Variants in DCHS2 observed in about 807,000 individuals in gnomAD.
The protein encoded by DCHS2 is protocadherin-23.
A neutral mutation model predicts 182.4 loss-of-function variants in DCHS2; 142 were observed. The ratio of observed to expected loss-of-function variants is 0.78; its 90% CI spans 0.68 to 0.89. DCHS2 has a LOEUF of 0.89. Among genes scored for constraint, DCHS2 ranks in the 40% least tolerant of loss-of-function variants. DCHS2 has a pLI of 0.00. For missense variants in DCHS2, 4,319 were observed against 4,198.6 expected (o/e 1.03, Z -0.79); for synonymous variants, 1,740 against 1,663.3 (o/e 1.05, Z -1.12).
In DCHS2 at chr4:154,235,137, C is replaced by A. The variant is rs1731396994; in HGVS notation, c.9515G>T (p.Gly3172Val). Residue 3172 changes from glycine (G) to valine (V), a missense_variant, in exon 20 of 20, where the codon GGC becomes GTC. By Grantham distance (109) the Gly-to-Val change is moderately radical. Transcript: ENST00000357232. ...QTFGEGDQGE[G>V]CSTTCAQNNV... is the part of the protein sequence containing the mutation. ...ATTTTGAGCACAGGTGGTGCTGCAGCCTTCCCCTTGATCTCCTTCCCCAAA... is the reference window on the plus strand; with the variant it reads ...ATTTTGAGCACAGGTGGTGCTGCAGACTTCCCCTTGATCTCCTTCCCCAAA... 6.2e-7 allele frequency: 1 copy of A among 1,613,886 alleles called. No individual in the cohort carries two copies.
At chr4:154,479,718 G>T (rs768851471) in intron 1 of DCHS2, among the ~76,000 whole-genome samples, 24 of 152,162 alleles carry the variant, frequency 1.6e-4, no homozygotes, top group Admixed American at 1.3e-4. Flanking sequence ...TTAAGAGTAT[G>T]CTGTGATATA....
At chr4:154,288,156 A>G (rs1734493254) in intron 13 of DCHS2, among the ~76,000 whole-genome samples, 1 of 152,152 alleles carries the variant, frequency 6.6e-6, no homozygotes, top group Non-Finnish European at 1.5e-5. Flanking sequence ...AGAAGAAGAC[A>G]CAATGGTCTT....
intron 7 of DCHS2, among the ~76,000 whole-genome samples, chr4:154,325,316 C>CGT (rs75589397): frequency 0.024 from 3,473 of 142,566 alleles, 52 homozygotes; most frequent in African/African-American, 0.047. Context: ...GGATTATAGC[C>CGT]GTGTGTGTGT....
At position 154,377,380 on chromosome 4, in the gene DCHS2, AATCC is replaced by A; in HGVS notation, c.2113_2116del (p.Gly705SerfsTer2). ...TGCCTGAGGTGCTTCATAGCTCAGG[AATCC>A]ATCATAAAGAGAATATTCAATAAAG... is the stretch of plus-strand genomic sequence containing the variant. On this transcript the variant is annotated frameshift_variant, in exon 2 of 20. Coordinates refer to ENST00000357232, the MANE Select transcript of DCHS2 (RefSeq NM_001358235.2). LOFTEE classifies it high-confidence loss of function. 1 of 1,613,588 alleles carries A rather than the reference AATCC, an allele frequency of 6.2e-7. No individual in the cohort carries two copies. The highest frequency in any genetic ancestry group is 8.5e-7 in the Non-Finnish European group (1 of 1,179,658).
chr4:154,455,638 C>T (rs916591678), intron 1 of DCHS2, among the ~76,000 whole-genome samples: 1 of 152,234 alleles, frequency 6.6e-6, no homozygotes, highest in African/African-American at 2.4e-5. Context: ...GGGGAGTAGA[C>T]TCCAAATAAG....
At chr4:154,303,484 CA>C (rs35984605) in intron 12 of DCHS2, among the ~76,000 whole-genome samples, 42,926 of 84,278 alleles carry the variant, frequency 0.51, 8,937 homozygotes, top group East Asian at 0.61. Flanking sequence ...GTAAGTGAAG[CA>C]AAAAAAAAAA....
At chr4:154,239,975 T>G (rs1312105355) in intron 18 of DCHS2, among the ~76,000 whole-genome samples, 1 of 152,184 alleles carries the variant, frequency 6.6e-6, no homozygotes, top group Non-Finnish European at 1.5e-5. Context: ...GGATCATTAC[T>G]TAGGTTACCC....
At chr4:154,437,975 C>A (rs1733849982) in intron 1 of DCHS2, among the ~76,000 whole-genome samples, 1 of 152,074 alleles carries the variant, frequency 6.6e-6, no homozygotes, top group African/African-American at 2.4e-5. Context: ...AGTTCGAGAC[C>A]AGCCTGGGCA....
At position 154,254,658 on chromosome 4, in the gene DCHS2, G is replaced by A. The variant is rs1230129070; in HGVS notation, c.6941+861C>T. On this transcript the variant is annotated intron_variant, in intron 16 of 19. Transcript: ENST00000357232. Reference sequence around the variant, plus strand: ...TTGAGACCAGCCTGGCCAATATGGTGGAACCCCATCTCTACTAAAAATACA... The same window carrying A: ...TTGAGACCAGCCTGGCCAATATGGTAGAACCCCATCTCTACTAAAAATACA... 1.6e-4 allele frequency among the ~76,000 whole-genome samples: 25 copies of A among 152,114 alleles called. 1 individual carries two copies. Among genetic ancestry groups the A allele is most frequent in the Admixed American group, 1.6e-3 (25 of 15,264 alleles).
chr4:154,366,236 GA>G lies in DCHS2; in HGVS notation c.2449del (p.Ser817ProfsTer14), dbSNP rs780951390. 1 of 1,613,634 alleles carries G rather than the reference GA, an allele frequency of 6.2e-7. No homozygotes were observed. The highest frequency in any genetic ancestry group is 1.1e-5 in the South Asian group (1 of 91,050). On this transcript the variant is annotated frameshift_variant, in exon 3 of 20. Transcript: ENST00000357232. LOFTEE classifies it high-confidence loss of function. ...AYELIPGNVSSLFTIDSTTGI... is the reference protein window; with the variant it reads ...AYELIPGNVSXLFTIDSTTGI... The stretch of plus-strand genomic sequence containing the variant: ...TGTGGTGGAGTCAATGGTAAAAAGG[GA>G]CGACACGTTTCCTGGAATAAGCTCA...
chr4:154,329,449 GT>G (rs1448446070), intron 6 of DCHS2, 73 bp downstream of exon 6: 26 of 1,422,700 alleles, frequency 1.8e-5, no homozygotes, highest in Non-Finnish European at 2.2e-5. Flanking sequence ...AAATTCACAG[GT>G]TTTACCACAA....
At chr4:154,240,139 G>A (rs750655032) in intron 18 of DCHS2, among the ~76,000 whole-genome samples, 1 of 151,750 alleles carries the variant, frequency 6.6e-6, no homozygotes, top group Non-Finnish European at 1.5e-5. Context: ...AGTTTTGTTC[G>A]TGATTTTTTT....
intron 3 of DCHS2, among the ~76,000 whole-genome samples, chr4:154,349,038 A>C (rs1729484536): frequency 6.6e-6 from 1 of 152,080 alleles, no homozygotes; most frequent in Non-Finnish European, 1.5e-5. Context: ...TTGGCATGAC[A>C]GTTAAATCAG....
At position 154,357,094 on chromosome 4, in the gene DCHS2, A is replaced by C. The variant is rs779535259; in HGVS notation, c.2476+9116T>G. 3.3e-4 allele frequency: 208 copies of C among 628,826 alleles called. 3 individuals are homozygous for C. The highest frequency in any genetic ancestry group is 2.9e-3 in the Admixed American group (124 of 42,272). 39.0% of individuals were successfully genotyped at this position (628,826 alleles called of 1,614,324 possible). A position where few individuals can be genotyped will look rare whatever the true frequency, so the allele number is the denominator to read the frequency against. ...TTTCTTGACAAGCGCTAGTAAAATAATCTAACATCAACGAACCTTTGGCCT... is the reference window on the plus strand; with the variant it reads ...TTTCTTGACAAGCGCTAGTAAAATACTCTAACATCAACGAACCTTTGGCCT... On this transcript the variant is annotated intron_variant, in intron 3 of 19. Coordinates refer to ENST00000357232, the MANE Select transcript of DCHS2 (RefSeq NM_001358235.2).
chr4:154,417,204 T>TGTGTGTGTGAGTGA (rs1560745908), intron 1 of DCHS2, among the ~76,000 whole-genome samples: 1 of 39,476 alleles, frequency 2.5e-5, no homozygotes, highest in African/African-American at 9.4e-5. Flanking sequence ...TGTGTGTGTG[T>TGTGTGTGTGAGTGA]GAGAGAGAGA....
At chr4:154,436,288 C>G (rs1009032722) in intron 1 of DCHS2, among the ~76,000 whole-genome samples, 2 of 152,128 alleles carry the variant, frequency 1.3e-5, no homozygotes, top group Non-Finnish European at 2.9e-5. Flanking sequence ...TTACACTGCC[C>G]ATTTTTCTTA....
intron 14 of DCHS2, among the ~76,000 whole-genome samples, chr4:154,266,472 C>T (rs1343229165): frequency 2.0e-5 from 3 of 151,928 alleles, no homozygotes; most frequent in Non-Finnish European, 4.4e-5. Flanking sequence ...CTGGCTAACA[C>T]AGTGAAACCC....
At position 154,255,558 on chromosome 4, in the gene DCHS2, G is replaced by T. The variant is rs756303090; in HGVS notation, c.6902C>A (p.Thr2301Lys). The T allele has an allele frequency of 6.2e-7, 1 of 1,613,662 alleles. No individual in the cohort carries two copies. The highest frequency in any genetic ancestry group is 8.5e-7 in the Non-Finnish European group (1 of 1,179,836). Residue 2301 changes from threonine (T) to lysine (K), a missense_variant, in exon 16 of 20, where the codon ACA becomes AAA. Coordinates refer to ENST00000357232, the MANE Select transcript of DCHS2 (RefSeq NM_001358235.2). ...GAGCTCGTAATCTAGAATCGCTTTTGTTGTTATCACACCACTCAGTGCATC... is the reference window on the plus strand; with the variant it reads ...GAGCTCGTAATCTAGAATCGCTTTTTTTGTTATCACACCACTCAGTGCATC... ...QIDALSGVITTKAILDYELTS... is the reference protein window; with the variant it reads ...QIDALSGVITKKAILDYELTS...
chr4:154,368,165 T>A (rs1730477577), intron 2 of DCHS2, among the ~76,000 whole-genome samples: 1 of 152,128 alleles, frequency 6.6e-6, no homozygotes, highest in South Asian at 2.1e-4. Flanking sequence ...GCAGCCACCC[T>A]AAGTAACCTG....
Sources: gnomAD v4.1 joint callset for allele counts (sites outside exome capture counted in the v4.1 genomes callset) on GRCh38, gnomAD v4.1.1 for gene constraint, MANE v1.5 for transcripts, NCBI Gene and HGNC (gene_info 2026-07-23, HGNC 2026-07-21) for gene names.